GRID2: variants seen among roughly 807,000 people sequenced by gnomAD.
GRID2 encodes the protein glutamate receptor ionotropic, delta-2.
A neutral mutation model predicts 114.8 loss-of-function variants in GRID2; 33 were observed. That is an observed-to-expected ratio of 0.29 (90% CI 0.22 to 0.38). The LOEUF is 0.38. GRID2 is among the 10% of genes least tolerant of loss of function. The pLI is 1.00. For synonymous variants in GRID2, 505 were observed against 449.9 expected, an observed-to-expected ratio of 1.12 and a Z score of -1.55; for missense variants, 1,184 against 1,257.7, an observed-to-expected ratio of 0.94 and a Z score of 0.89.
At chr4:93,431,766 TA>T (rs1769435313) in intron 10 of GRID2, among the ~76,000 whole-genome samples, 1 of 152,016 alleles carries the variant, frequency 6.6e-6, no homozygotes, top group Non-Finnish European at 1.5e-5. Context: ...GAGACTTGAG[TA>T]AAATTATAAG....
chr4:93,661,870 C>A (rs537615075), intron 14 of GRID2, among the ~76,000 whole-genome samples: 35 of 152,208 alleles, frequency 2.3e-4, no homozygotes, highest in Admixed American at 4.6e-4. Flanking sequence ...TAAGTGAGAT[C>A]ATGGCTCGGT....
At chr4:93,743,479 T>A (rs1731583433) in intron 14 of GRID2, among the ~76,000 whole-genome samples, 1 of 152,178 alleles carries the variant, frequency 6.6e-6, no homozygotes. Context: ...GAGTAATTTA[T>A]AAAGAATAAA....
chr4:92,682,022 G>T (rs1472952129), intron 2 of GRID2, among the ~76,000 whole-genome samples: 1 of 151,678 alleles, frequency 6.6e-6, no homozygotes, highest in East Asian at 1.9e-4. Flanking sequence ...ATTCAAAGGA[G>T]AGTAAATAAT....
chr4:92,806,752 G>A (rs1701631346), intron 2 of GRID2, among the ~76,000 whole-genome samples: 1 of 151,800 alleles, frequency 6.6e-6, no homozygotes, highest in Admixed American at 6.6e-5. Flanking sequence ...CAAAACTTCT[G>A]CAAATAAGTT....
At chr4:93,413,820 T>G (rs1767444608) in intron 9 of GRID2, among the ~76,000 whole-genome samples, 1 of 152,208 alleles carries the variant, frequency 6.6e-6, no homozygotes, top group South Asian at 2.1e-4. Context: ...AGTATACATT[T>G]TAATGCTTTC....
chr4:92,661,990 A>T (rs1046158447), intron 2 of GRID2, among the ~76,000 whole-genome samples: 13 of 151,030 alleles, frequency 8.6e-5, no homozygotes, highest in Admixed American at 2.0e-4. Context: ...AAAAGAAAAA[A>T]GTTTCAGGTT....
At chr4:93,535,560 A>C (rs369360624) in intron 13 of GRID2, among the ~76,000 whole-genome samples, 162 of 151,986 alleles carry the variant, frequency 1.1e-3, no homozygotes, top group Middle Eastern at 0.01. Flanking sequence ...ACCAACACTT[A>C]CTATCTTTTG....
At chr4:93,262,664 A>G (rs1278463399) in intron 8 of GRID2, among the ~76,000 whole-genome samples, 3 of 151,954 alleles carry the variant, frequency 2.0e-5, no homozygotes, top group African/African-American at 4.8e-5. Flanking sequence ...ATTCCTGTTG[A>G]TATTTTGATG....
At chr4:93,488,798 T>C (rs1443703366) in intron 11 of GRID2, among the ~76,000 whole-genome samples, 1 of 151,988 alleles carries the variant, frequency 6.6e-6, no homozygotes, top group Non-Finnish European at 1.5e-5. Flanking sequence ...ACCTTCTTGC[T>C]GTGTCCTCAC....
intron 4 of GRID2, among the ~76,000 whole-genome samples, chr4:93,158,218 G>A (rs1042619921): frequency 2.6e-5 from 4 of 151,798 alleles, no homozygotes; most frequent in Non-Finnish European, 5.9e-5. Context: ...AATTCGTTAT[G>A]CAGGAGCTAG....
chr4:93,118,824 G>A (rs556776240), intron 4 of GRID2, among the ~76,000 whole-genome samples: 2 of 152,176 alleles, frequency 1.3e-5, no homozygotes, highest in Non-Finnish European at 2.9e-5. Context: ...CTTAAACAGA[G>A]AGAAGTTGAG....
chr4:93,006,603 A>G lies in GRID2; in HGVS notation c.245-78392A>G, dbSNP rs188230146. Among the ~76,000 whole-genome samples, 771 of 152,110 alleles carry G rather than the reference A, an allele frequency of 5.1e-3. 1 individual carries two copies. Among genetic ancestry groups the G allele is most frequent in the African/African-American group, 0.018 (737 of 41,532 alleles). On this transcript the variant is annotated intron_variant, in intron 2 of 15. Transcript: ENST00000282020. ...AAATTAAAGGCCCTACTGAAAAAAAAAAGAGAGTCACTATATCAGAAAACC... is the reference window on the plus strand; with the variant it reads ...AAATTAAAGGCCCTACTGAAAAAAAGAAGAGAGTCACTATATCAGAAAACC...
chr4:92,752,651 TAC>T (rs1737508767), intron 2 of GRID2, among the ~76,000 whole-genome samples: 1 of 152,220 alleles, frequency 6.6e-6, no homozygotes, highest in African/African-American at 2.4e-5. Flanking sequence ...TGATAAATAG[TAC>T]AGATCGTAAT....
At chr4:92,892,052 GT>G (rs889948503) in intron 2 of GRID2, among the ~76,000 whole-genome samples, 583 of 145,288 alleles carry the variant, frequency 4.0e-3, no homozygotes, top group Admixed American at 5.8e-3. Context: ...GTAATAGCTG[GT>G]TTTTTTTTTT....
At chr4:92,650,340 C>T (rs1278829558) in intron 2 of GRID2, among the ~76,000 whole-genome samples, 1 of 151,950 alleles carries the variant, frequency 6.6e-6, no homozygotes, top group Non-Finnish European at 1.5e-5. Flanking sequence ...TAGGGTGACC[C>T]AGATCTTCAT....
At chr4:93,355,266 T>C (rs1257302744) in intron 8 of GRID2, among the ~76,000 whole-genome samples, 3 of 151,900 alleles carry the variant, frequency 2.0e-5, no homozygotes, top group Non-Finnish European at 2.9e-5. Flanking sequence ...ATGGGCTCAG[T>C]GAGGGGGGTT....
chr4:93,188,453 C>G (rs972851455), intron 4 of GRID2, among the ~76,000 whole-genome samples: 1 of 152,152 alleles, frequency 6.6e-6, no homozygotes, highest in African/African-American at 2.4e-5. Flanking sequence ...TCCCAAGGTC[C>G]TGGATTTCTA....
rs115372243 is a variant in GRID2 at position 92,643,190 on chromosome 4, C to G, written c.244+52904C>G. The stretch of plus-strand genomic sequence containing the variant: ...CATTGAATATGTACATTGCTTTGGG[C>G]GCTGTGGCCATTTCAATGATATTGA... On this transcript the variant is annotated intron_variant, in intron 2 of 15. Coordinates refer to ENST00000282020, the MANE Select transcript of GRID2 (RefSeq NM_001510.4). Among the ~76,000 whole-genome samples the G allele has an allele frequency of 6.5e-3, 987 of 151,504 alleles. 13 individuals are homozygous for G. Among genetic ancestry groups the G allele is most frequent in the African/African-American group, 0.022 (931 of 41,380 alleles).
At chr4:93,224,937 A>G (rs1038124259) in intron 7 of GRID2, among the ~76,000 whole-genome samples, 162 bp downstream of exon 7, 4 of 152,292 alleles carry the variant, frequency 2.6e-5, no homozygotes, top group African/African-American at 9.6e-5. Flanking sequence ...AGTCATCAAC[A>G]TATAAAAAGG....
Sources: allele counts gnomAD v4.1 joint callset (sites outside exome capture counted in the v4.1 genomes callset), GRCh38; gene constraint gnomAD v4.1.1; transcripts MANE v1.5; gene names NCBI Gene and HGNC (gene_info 2026-07-23, HGNC 2026-07-21).